PATJ: variants seen among roughly 807,000 people sequenced by gnomAD.
PATJ encodes the protein inaD-like protein.
Under a neutral mutation model 224.9 loss-of-function variants are expected in PATJ, and 190 were observed. That is an observed-to-expected ratio of 0.84 (90% CI 0.75 to 0.95). The LOEUF (loss-of-function observed/expected upper bound fraction) is 0.95. Ranked by LOEUF, PATJ falls within the 40% of genes least tolerant of loss-of-function variation. The pLI is 0.00. For synonymous variants in PATJ, 769 were observed against 820.3 expected (o/e 0.94, Z 1.07); for missense variants, 2,121 against 2,270.3 (o/e 0.93, Z 1.34).
chr1:62,007,766 G>A (rs1298811466), intron 28 of PATJ, among the ~76,000 whole-genome samples: 2 of 152,138 alleles, frequency 1.3e-5, no homozygotes, highest in South Asian at 2.1e-4. Flanking sequence ...CCTGCTGTAT[G>A]CACACACATG....
chr1:62,001,457 C>T (rs1352640975), intron 28 of PATJ, among the ~76,000 whole-genome samples: 1 of 149,786 alleles, frequency 6.7e-6, no homozygotes, highest in East Asian at 1.9e-4. Context: ...ATCCTTTCCC[C>T]ATTGCTTATT....
At chr1:61,767,622 C>T (rs1168262351) in intron 4 of PATJ, among the ~76,000 whole-genome samples, 1 of 151,522 alleles carries the variant, frequency 6.6e-6, no homozygotes, top group Non-Finnish European at 1.5e-5. Flanking sequence ...AAATAATATT[C>T]TGGTCCTAGT....
At chr1:61,779,937 A>G (rs1172255183) in intron 7 of PATJ, among the ~76,000 whole-genome samples, 1 of 151,792 alleles carries the variant, frequency 6.6e-6, no homozygotes, top group Admixed American at 6.6e-5. Flanking sequence ...TTTAACAATC[A>G]GAGTGAGAAC....
intron 27 of PATJ, among the ~76,000 whole-genome samples, chr1:61,936,531 A>G (rs1676910795): frequency 6.6e-6 from 1 of 151,894 alleles, no homozygotes; most frequent in Non-Finnish European, 1.5e-5. Flanking sequence ...CAAAACCTAC[A>G]GAGTATTTTG....
chr1:61,869,339 C>G (rs751134249), intron 20 of PATJ, among the ~76,000 whole-genome samples: 118 of 151,998 alleles, frequency 7.8e-4, no homozygotes, highest in Admixed American at 2.2e-3. Context: ...ATCTCCTGAC[C>G]TCGTGATCCG....
At chr1:62,006,257 G>A (rs1646089300) in intron 28 of PATJ, among the ~76,000 whole-genome samples, 3 of 152,274 alleles carry the variant, frequency 2.0e-5, no homozygotes, top group African/African-American at 7.2e-5. Flanking sequence ...TGGGATTACA[G>A]GCGCATGCCG....
intron 7 of PATJ, among the ~76,000 whole-genome samples, chr1:61,776,874 T>C (rs12040089): frequency 0.27 from 40,503 of 151,802 alleles, 5,495 homozygotes; most frequent in African/African-American, 0.31. Context: ...TATAGGTGCC[T>C]GCCACAATGC....
At position 62,099,310 on chromosome 1, in the gene PATJ, A is replaced by G. The variant is rs1204293183; in HGVS notation, c.4378-9127A>G. Among the ~76,000 whole-genome samples, 7 of 150,404 alleles carry G rather than the reference A, an allele frequency of 4.7e-5. No homozygotes were observed. In the East Asian group the frequency reaches 9.8e-4, roughly 21 times the overall value. On this transcript the variant is annotated intron_variant, in intron 33 of 43. Coordinates refer to ENST00000642238, the MANE Select transcript of PATJ (RefSeq NM_001350145.3). The stretch of plus-strand genomic sequence containing the variant: ...CCAAACCATAGTTTTTTTCAAAGGA[A>G]AACATATGACTATTTTTTTGTATAC...
At chr1:61,958,680 C>G (rs533515641) in intron 27 of PATJ, among the ~76,000 whole-genome samples, 2 of 152,142 alleles carry the variant, frequency 1.3e-5, no homozygotes, top group East Asian at 3.9e-4. Flanking sequence ...CCTCAGGGAA[C>G]ACAGAGGAGA....
chr1:61,829,708 A>C (rs1336827310), intron 16 of PATJ, among the ~76,000 whole-genome samples: 1 of 152,116 alleles, frequency 6.6e-6, no homozygotes, highest in East Asian at 1.9e-4. Context: ...TGGTTTCTTA[A>C]AGTCTTGGCT....
At chr1:61,854,169 G>T (rs1273002334) in intron 17 of PATJ, among the ~76,000 whole-genome samples, 1 of 152,168 alleles carries the variant, frequency 6.6e-6, no homozygotes. Context: ...AACTTGGCAA[G>T]TTCTTACTTT....
chr1:61,864,522 T>C lies in PATJ; in HGVS notation c.2724T>C (p.Phe908=). 2 of 1,613,978 alleles carry C rather than the reference T, an allele frequency of 1.2e-6. No individual in the cohort carries two copies. The highest frequency in any genetic ancestry group is 1.7e-6 in the Non-Finnish European group (2 of 1,179,962). Residue 908 remains phenylalanine, a synonymous_variant, in exon 20 of 44, where the codon TTT becomes TTC. Coordinates refer to ENST00000642238, the MANE Select transcript of PATJ (RefSeq NM_001350145.3). ...TGCCCTCTGTGAATGAACTTCACTTTGGTACACAGTGGTTGCATGATAATG... is the reference window on the plus strand; with the variant it reads ...TGCCCTCTGTGAATGAACTTCACTTCGGTACACAGTGGTTGCATGATAATG... ...TPVPSVNELH[F]GTQWLHDNEP...
At chr1:61,810,076 C>T (rs1403815112) in intron 14 of PATJ, among the ~76,000 whole-genome samples, 1 of 151,880 alleles carries the variant, frequency 6.6e-6, no homozygotes, top group East Asian at 2.0e-4. Context: ...TCTCGAACTC[C>T]TGACCTCAGG....
chr1:61,851,610 A>G (rs1158640616), intron 17 of PATJ, among the ~76,000 whole-genome samples: 1 of 152,194 alleles, frequency 6.6e-6, no homozygotes, highest in Non-Finnish European at 1.5e-5. Context: ...TCTTGAAGGC[A>G]GTAGGTATCC....
At chr1:61,825,447 C>A (rs887267117) in intron 15 of PATJ, among the ~76,000 whole-genome samples, 18 of 152,026 alleles carry the variant, frequency 1.2e-4, no homozygotes, top group African/African-American at 3.6e-4. Flanking sequence ...ACCAAAAATA[C>A]AAAATTTAAA....
At chr1:62,117,089 A>G (rs941959477) in intron 36 of PATJ, 43 bp from the exon 37 acceptor site, 2 of 1,494,688 alleles carry the variant, frequency 1.3e-6, no homozygotes, top group Admixed American at 1.7e-5. Flanking sequence ...CAGAATATAA[A>G]TGCTACTACT....
intron 31 of PATJ, among the ~76,000 whole-genome samples, chr1:62,074,482 G>A (rs1657972855): frequency 6.6e-6 from 1 of 151,910 alleles, no homozygotes; most frequent in South Asian, 2.1e-4. Context: ...TACCCAGGCT[G>A]GAGTACAGTA....
chr1:61,778,004 G>T (rs138419607), intron 7 of PATJ, among the ~76,000 whole-genome samples: 16 of 151,856 alleles, frequency 1.1e-4, no homozygotes, highest in Non-Finnish European at 2.1e-4. Flanking sequence ...CTCAGCTTCT[G>T]GGGGAGCTGA....
chr1:62,075,762 C>T (rs941700491), intron 31 of PATJ, among the ~76,000 whole-genome samples: 2 of 151,694 alleles, frequency 1.3e-5, no homozygotes, highest in Non-Finnish European at 2.9e-5. Flanking sequence ...ACTAAAAATA[C>T]AAAAAATTAG....
Sources: allele counts gnomAD v4.1 joint callset (sites outside exome capture counted in the v4.1 genomes callset), GRCh38; gene constraint gnomAD v4.1.1; transcripts MANE v1.5; gene names NCBI Gene and HGNC (gene_info 2026-07-23, HGNC 2026-07-21).